Variants in CLASP1 observed in about 807,000 individuals in gnomAD.
CLASP1 encodes the protein CLIP-associating protein 1.
A neutral mutation model predicts 192.3 loss-of-function variants in CLASP1; 38 were observed. The ratio of observed to expected loss-of-function variants is 0.20; its 90% CI spans 0.15 to 0.26. The LOEUF (loss-of-function observed/expected upper bound fraction) is 0.26, where lower values mean the gene tolerates loss of function less well. CLASP1 is among the 10% of genes least tolerant of loss of function. The probability of loss-of-function intolerance (pLI) is 1.00; values close to 1 mark genes in which losing one functional copy is unlikely to be tolerated. For missense variants in CLASP1, 1,433 were observed against 1,932.5 expected, an observed-to-expected ratio of 0.74 and a Z score of 4.85; for synonymous variants, 691 against 712.8, an observed-to-expected ratio of 0.97 and a Z score of 0.49.
chr2:121,380,623 A>G (rs1322954998), intron 33 of CLASP1, among the ~76,000 whole-genome samples: 1 of 152,186 alleles, frequency 6.6e-6, no homozygotes, highest in Non-Finnish European at 1.5e-5. Flanking sequence ...CTTCTTCGTC[A>G]TTTTGTAGGA....
At chr2:121,439,713 A>G (rs1055727787) in intron 19 of CLASP1, among the ~76,000 whole-genome samples, 1 of 151,892 alleles carries the variant, frequency 6.6e-6, no homozygotes, top group Non-Finnish European at 1.5e-5. Context: ...GACTGGATTA[A>G]GAAAATGTGG....
chr2:121,363,405 T>C (rs1482471109), intron 36 of CLASP1, 105 bp from the exon 38 acceptor site: 3 of 1,365,756 alleles, frequency 2.2e-6, no homozygotes, highest in Non-Finnish European at 3.0e-6. Context: ...CTGGGTTCCC[T>C]GGAACCTCGC....
chr2:121,447,524 G>A lies in CLASP1; in HGVS notation c.1742-17C>T. 6.5e-7 allele frequency: 1 copy of A among 1,543,106 alleles called. No homozygotes were observed. The highest frequency in any genetic ancestry group is 8.8e-7 in the Non-Finnish European group (1 of 1,140,670). On this transcript the variant is annotated splice_polypyrimidine_tract_variant and intron_variant, in intron 18 of 39. Transcript: ENST00000263710. ...CTGTAGAAGCTTTAGTGATAAAGGA[G>A]GAAATATGAATAAGGACTACATAGA... is the stretch of plus-strand genomic sequence containing the variant.
intron 1 of CLASP1, among the ~76,000 whole-genome samples, chr2:121,647,583 C>T (rs1351101599): frequency 6.6e-6 from 1 of 152,028 alleles, no homozygotes; most frequent in Non-Finnish European, 1.5e-5. Flanking sequence ...GCATAATACA[C>T]CAGGCTTCAG....
intron 23 of CLASP1, among the ~76,000 whole-genome samples, chr2:121,411,288 T>C (rs2077666651): frequency 6.6e-6 from 1 of 152,226 alleles, no homozygotes. Flanking sequence ...CTATTTAGCT[T>C]TCCCTGTAGA....
chr2:121,572,795 G>A (rs2105433787), intron 2 of CLASP1, among the ~76,000 whole-genome samples: 1 of 152,056 alleles, frequency 6.6e-6, no homozygotes, highest in African/African-American at 2.4e-5. Context: ...TCCATTGATG[G>A]TGACTGGTCA....
At chr2:121,639,156 A>G (rs946402539) in intron 1 of CLASP1, among the ~76,000 whole-genome samples, 3 of 152,078 alleles carry the variant, frequency 2.0e-5, no homozygotes, top group Non-Finnish European at 4.4e-5. Flanking sequence ...GGGTGCCTGT[A>G]GTCCCAGCTA....
At chr2:121,465,429 A>T (rs1190723835) in intron 9 of CLASP1, among the ~76,000 whole-genome samples, 1 of 152,216 alleles carries the variant, frequency 6.6e-6, no homozygotes, top group African/African-American at 2.4e-5. Context: ...AATTGCTTCA[A>T]AGATAATAAA....
chr2:121,467,436 A>C (rs767999317), intron 9 of CLASP1, among the ~76,000 whole-genome samples: 22 of 152,204 alleles, frequency 1.4e-4, no homozygotes, highest in Non-Finnish European at 2.5e-4. Context: ...ACAGTGTAAA[A>C]GCACTCCTTT....
chr2:121,467,716 T>A (rs1052223923), intron 9 of CLASP1, among the ~76,000 whole-genome samples: 1 of 152,218 alleles, frequency 6.6e-6, no homozygotes, highest in African/African-American at 2.4e-5. Flanking sequence ...GACGGATAGA[T>A]TGCAAAATTT....
intron 22 of CLASP1, among the ~76,000 whole-genome samples, chr2:121,420,889 T>C (rs1379411927): frequency 2.6e-5 from 4 of 152,228 alleles, no homozygotes; most frequent in Non-Finnish European, 4.4e-5. Flanking sequence ...ATAAAAAGCA[T>C]TAACAGCAGT....
intron 1 of CLASP1, among the ~76,000 whole-genome samples, chr2:121,625,470 T>A (rs914991848): frequency 6.7e-6 from 1 of 148,290 alleles, no homozygotes; most frequent in Admixed American, 6.8e-5. Context: ...AGTCTCGCTC[T>A]GTTATCCAGG....
chr2:121,382,286 T>G (rs1574090158), exon 33 of CLASP1: 1 of 1,598,176 alleles, frequency 6.3e-7, no homozygotes, highest in Non-Finnish European at 8.5e-7. Context: ...GGGAGGTGGG[T>G]GCTTCGCTAA....
chr2:121,385,405 T>A (rs999745706), intron 32 of CLASP1, among the ~76,000 whole-genome samples: 8 of 152,238 alleles, frequency 5.3e-5, no homozygotes, highest in African/African-American at 1.9e-4. Context: ...AACTACTGAA[T>A]ATTGAAAATA....
intron 2 of CLASP1, among the ~76,000 whole-genome samples, chr2:121,548,220 C>G (rs1444153543): frequency 6.6e-6 from 1 of 151,942 alleles, no homozygotes; most frequent in Admixed American, 6.6e-5. Flanking sequence ...TAAAAAAGAA[C>G]CTAAAGGATC....
At chr2:121,382,454 G>C in intron 32 of CLASP1, 130 bp from the exon 34 acceptor site, 2 of 617,116 alleles carry the variant, frequency 3.2e-6, no homozygotes, top group Non-Finnish European at 5.5e-6. Flanking sequence ...AAGTTAATCA[G>C]AGCAAAATTA....
At chr2:121,578,149 TCTCGAA>T (rs2060724005) in intron 2 of CLASP1, among the ~76,000 whole-genome samples, 1 of 151,844 alleles carries the variant, frequency 6.6e-6, no homozygotes, top group Non-Finnish European at 1.5e-5. Flanking sequence ...CTCGGGCTGG[TCTCGAA>T]CTCATTAGCT....
intron 37 of CLASP1, among the ~76,000 whole-genome samples, chr2:121,362,469 A>G (rs981813306): frequency 5.3e-5 from 8 of 152,232 alleles, no homozygotes; most frequent in Non-Finnish European, 7.3e-5. Flanking sequence ...CTGAGGTCCC[A>G]ATGCCAGGAA....
Position 121,464,295 on chromosome 2 carries a change from G to A in CLASP1, c.866-1690C>T, listed in dbSNP as rs1019248088. Reference sequence around the variant, plus strand: ...AGTCTTTGCTATTGTGAATAGTGCCGCAATAAACATACGTGTGCATGTGTC... The same window carrying A: ...AGTCTTTGCTATTGTGAATAGTGCCACAATAAACATACGTGTGCATGTGTC... On this transcript the variant is annotated intron_variant, in intron 9 of 39. Transcript: ENST00000263710. 1.3e-3 allele frequency among the ~76,000 whole-genome samples: 195 copies of A among 151,916 alleles called. 1 individual carries two copies. The highest frequency in any genetic ancestry group is 1.8e-3 in the Non-Finnish European group (122 of 67,970).
Sources: allele counts gnomAD v4.1 joint callset (sites outside exome capture counted in the v4.1 genomes callset), GRCh38; gene constraint gnomAD v4.1.1; transcripts MANE v1.5; gene names NCBI Gene and HGNC (gene_info 2026-07-23, HGNC 2026-07-21).